Variants in COL5A3 observed in about 807,000 individuals in gnomAD.
COL5A3 encodes collagen type V alpha 3 chain, also known as collagen alpha-3(V) chain.
Under a neutral mutation model 250.0 loss-of-function variants are expected in COL5A3, and 172 were observed. That is an observed-to-expected ratio of 0.69 (90% CI 0.61 to 0.78). The LOEUF is 0.78. Among genes scored for constraint, COL5A3 ranks in the 30% least tolerant of loss-of-function variants. The pLI is 0.00. For synonymous variants in COL5A3, 937 were observed against 900.4 expected, an observed-to-expected ratio of 1.04 and a Z score of -0.73; for missense variants, 2,340 against 2,334.4, an observed-to-expected ratio of 1.00 and a Z score of -0.05.
chr19:9,965,156 CTTTTTTT>C (rs771519552), intron 64 of COL5A3, among the ~76,000 whole-genome samples: 1 of 100,306 alleles, frequency 1.0e-5, no homozygotes, highest in African/African-American at 3.8e-5. Context: ...TTTTCTTTTT[CTTTTTTT>C]TTTTTTTTTG....
At chr19:9,979,469 G>A (rs1192316348) in intron 37 of COL5A3, 52 bp from the exon 38 acceptor site, 1 of 1,589,518 alleles carries the variant, frequency 6.3e-7, no homozygotes, top group Admixed American at 1.7e-5. Flanking sequence ...AAGGGATGGA[G>A]GAGCAGGAGA....
At chr19:9,974,530 G>A (rs2086894298) in intron 45 of COL5A3, 122 bp from the exon 46 acceptor site, 1 of 684,144 alleles carries the variant, frequency 1.5e-6, no homozygotes, top group Admixed American at 3.5e-5. Flanking sequence ...TTTAGAGAGG[G>A]TCAGTGTTGA....
At chr19:9,971,541 T>C (rs2086847122) in intron 51 of COL5A3, among the ~76,000 whole-genome samples, 2 of 152,160 alleles carry the variant, frequency 1.3e-5, no homozygotes. Context: ...ATTCATTGAT[T>C]CGTCTATTCA....
At chr19:10,010,220 AC>A (rs2087510261) in intron 1 of COL5A3, 77 bp downstream of exon 1, 5 of 395,866 alleles carry the variant, frequency 1.3e-5, no homozygotes, top group Non-Finnish European at 1.8e-5. Flanking sequence ...ACGCCCCTCC[AC>A]CCCCCTCCAC....
At chr19:9,963,805 G>A (rs1043282528) in intron 64 of COL5A3, among the ~76,000 whole-genome samples, 11 of 152,134 alleles carry the variant, frequency 7.2e-5, no homozygotes, top group African/African-American at 2.7e-4. Flanking sequence ...GGAAGTCCAA[G>A]CTTGTCTAAA....
chr19:9,962,935 T>A (rs771639973), intron 64 of COL5A3, 48 bp from the exon 65 acceptor site: 10 of 1,393,504 alleles, frequency 7.2e-6, no homozygotes, highest in Non-Finnish European at 9.1e-6. Context: ...CTTGGTGCCA[T>A]CTAGATCTCA....
chr19:9,993,481 G>A (rs1206100422), intron 18 of COL5A3, 48 bp from the exon 19 acceptor site: 6 of 1,602,088 alleles, frequency 3.7e-6, no homozygotes, highest in Non-Finnish European at 2.6e-6. Context: ...TGTGGGCGGA[G>A]AGACCAGCCC....
At chr19:9,978,358 G>A (rs1049964929) in intron 41 of COL5A3, among the ~76,000 whole-genome samples, 1 of 151,990 alleles carries the variant, frequency 6.6e-6, no homozygotes, top group Non-Finnish European at 1.5e-5. Flanking sequence ...AGAGTAGCTG[G>A]GATTACAGGC....
intron 45 of COL5A3, among the ~76,000 whole-genome samples, chr19:9,974,993 G>A (rs1224956623): frequency 1.3e-5 from 2 of 151,754 alleles, no homozygotes; most frequent in Non-Finnish European, 2.9e-5. Flanking sequence ...TGCCTCCCTG[G>A]TTCAAGCAAT....
chr19:9,988,833 C>CAAAA (rs67181648), intron 27 of COL5A3, among the ~76,000 whole-genome samples: 436 of 38,492 alleles, frequency 0.011, no homozygotes, highest in African/African-American at 0.017. Flanking sequence ...GACTCTGTCT[C>CAAAA]AAAAAAAAAA....
At chr19:9,997,947 G>C in intron 10 of COL5A3, 37 bp downstream of exon 10, 1 of 1,612,590 alleles carries the variant, frequency 6.2e-7, no homozygotes, top group Non-Finnish European at 8.5e-7. Flanking sequence ...CAGCTGGAAG[G>C]GAAAGACTGG....
Position 9,973,986 on chromosome 19 carries a change from G to C in COL5A3, c.3505-14C>G. 1 of 1,531,644 alleles carries C rather than the reference G, an allele frequency of 6.5e-7. No individual in the cohort carries two copies. The highest frequency in any genetic ancestry group is 8.8e-7 in the Non-Finnish European group (1 of 1,140,220). The allele number at this position is 1,531,644 out of a possible 1,614,324, so 94.9% of individuals were successfully genotyped here. A position where few individuals can be genotyped will look rare whatever the true frequency, so the allele number is the denominator to read the frequency against. On this transcript the variant is annotated splice_polypyrimidine_tract_variant and intron_variant, in intron 47 of 66. Coordinates refer to ENST00000264828, the MANE Select transcript of COL5A3 (RefSeq NM_015719.4). ...TCCATGGGGACCCTGTGGAAGGTCA[G>C]AATTAGTACCCAGTGACCCCAGGCC...
In COL5A3 at chr19:9,979,791, GAAA is replaced by G. The variant is rs60233060; in HGVS notation, c.2712+45_2712+47del. 0.016 allele frequency: 20,856 copies of G among 1,327,824 alleles called. 1,118 individuals carry two copies. The African/African-American group carries it at 0.21, about 14-fold the overall frequency. The allele number at this position is 1,327,824 out of a possible 1,614,324, so 82.3% of individuals were successfully genotyped here. ...ACAGAGTGAGACTCTGTCTCAAAAA[GAAA>G]AAAAAAAAAAAGGATCAGGAATCAA... On this transcript the variant is annotated intron_variant, in intron 37 of 66. Coordinates refer to ENST00000264828, the MANE Select transcript of COL5A3 (RefSeq NM_015719.4).
intron 14 of COL5A3, 22 bp from the exon 15 acceptor site, chr19:9,996,141 G>A (rs2087266926): frequency 6.4e-7 from 1 of 1,558,344 alleles, no homozygotes; most frequent in Non-Finnish European, 8.7e-7. Context: ...AGAGATGGAG[G>A]AGTGTGGGTA....
intron 20 of COL5A3, 66 bp from the exon 21 acceptor site, chr19:9,992,946 T>C: frequency 6.2e-7 from 1 of 1,607,276 alleles, no homozygotes; most frequent in Non-Finnish European, 8.5e-7. Flanking sequence ...CTAGGGGTCC[T>C]ATGAGTCCTG....
rs766224287 is a variant in COL5A3, at chr19:10,006,098, G to A, written c.222C>T (p.Gly74=). ...CTGGAAAGAGTTCCCACGTGGGGAT[G>A]CCGAGCGTGCTGGCCTGGCCAATTC... The part of the protein sequence containing the change: ...AFRIGQASTL[G]IPTWELFPEG... Residue 74 remains glycine (G), a synonymous_variant, in exon 2 of 67, where the codon GGC becomes GGT. Coordinates refer to ENST00000264828, the MANE Select transcript of COL5A3 (RefSeq NM_015719.4). 1.9e-6 allele frequency: 3 copies of A among 1,614,040 alleles called. No individual in the cohort carries two copies. The Admixed American group carries it at 5.0e-5, about 27-fold the overall frequency.
chr19:9,996,716 T>C (rs1189733473), intron 11 of COL5A3, 27 bp from the exon 12 acceptor site: 2 of 1,566,182 alleles, frequency 1.3e-6, no homozygotes, highest in African/African-American at 2.8e-5. Context: ...GGAAGAGAGG[T>C]GGAGACAGGG....
intron 61 of COL5A3, 119 bp downstream of exon 61, chr19:9,967,785 T>C: frequency 9.9e-7 from 1 of 1,007,884 alleles, no homozygotes; most frequent in Non-Finnish European, 1.4e-6. Context: ...TAAATATTTG[T>C]CGAACGCACG....
At chr19:10,003,910 G>A (rs2145143099) in intron 5 of COL5A3, 131 bp downstream of exon 5, 2 of 1,002,158 alleles carry the variant, frequency 2.0e-6, no homozygotes, top group East Asian at 4.8e-5. Context: ...TTCATGCCTG[G>A]GATGTGTTGG....
Sources: gnomAD v4.1 joint callset for allele counts (sites outside exome capture counted in the v4.1 genomes callset) on GRCh38, gnomAD v4.1.1 for gene constraint, MANE v1.5 for transcripts, NCBI Gene and HGNC (gene_info 2026-07-23, HGNC 2026-07-21) for gene names.